Variants in SLC30A6 observed in about 807,000 individuals in gnomAD.
The protein encoded by SLC30A6 is zinc transporter 6.
In SLC30A6, 55 loss-of-function variants were observed where a neutral mutation model predicts 63.0. The observed-to-expected ratio is 0.87, with a 90% CI of 0.70 to 1.09. The LOEUF (loss-of-function observed/expected upper bound fraction) is 1.09. SLC30A6 is among the 50% of genes least tolerant of loss of function. SLC30A6 has a pLI of 0.00. For missense variants in SLC30A6, 587 were observed against 549.2 expected (o/e 1.07, Z -0.69); for synonymous variants, 224 against 186.1 (o/e 1.20, Z -1.66).
chr2:32,211,234 C>T (rs1474233596), intron 13 of SLC30A6, among the ~76,000 whole-genome samples: 1 of 152,094 alleles, frequency 6.6e-6, no homozygotes, highest in African/African-American at 2.4e-5. Context: ...CATCGAATAA[C>T]CTAGTGGGGG....
intron 12 of SLC30A6, among the ~76,000 whole-genome samples, chr2:32,207,320 C>T (rs1017529418): frequency 6.6e-6 from 1 of 151,884 alleles, no homozygotes; most frequent in Admixed American, 6.6e-5. Flanking sequence ...AAGCAATTCT[C>T]CTTCCTCGGC....
In SLC30A6 at chr2:32,167,056, T is replaced by G. The variant is rs540720109; in HGVS notation, c.3+1153T>G. Among the ~76,000 whole-genome samples, 50 of 152,224 alleles carry G rather than the reference T, an allele frequency of 3.3e-4. 1 individual carries two copies. The South Asian group carries it at 0.01, about 31-fold the overall frequency. ...ATACAAAGCCACTCATTATCAAGCT[T>G]CTTACTTTTACAGCCTCTTTTTTTG... On this transcript the variant is annotated intron_variant, in intron 1 of 13. Transcript: ENST00000282587.
intron 10 of SLC30A6, among the ~76,000 whole-genome samples, chr2:32,200,077 TACAC>T (rs35617136): frequency 4.0e-5 from 6 of 149,202 alleles, no homozygotes; most frequent in Non-Finnish European, 5.9e-5. Flanking sequence ...GAGACATATA[TACAC>T]ACACACACAC....
intron 12 of SLC30A6, 34 bp downstream of exon 12, chr2:32,206,967 T>G: frequency 1.3e-6 from 2 of 1,519,494 alleles, no homozygotes; most frequent in Non-Finnish European, 1.8e-6. Context: ...TCATTTTATT[T>G]TATATCAGGG....
intron 10 of SLC30A6, chr2:32,203,758 A>G: frequency 1.3e-6 from 2 of 1,510,378 alleles, no homozygotes; most frequent in Non-Finnish European, 9.2e-7. Context: ...TTCCGACTGG[A>G]TATTCTCAGT....
intron 12 of SLC30A6, among the ~76,000 whole-genome samples, chr2:32,207,306 G>T (rs1265356552): frequency 3.3e-5 from 5 of 151,968 alleles, no homozygotes; most frequent in Admixed American, 2.6e-4. Context: ...CACCTCCCAG[G>T]CTCAAGCAAT....
chr2:32,172,484 G>A (rs1681325096), intron 2 of SLC30A6, among the ~76,000 whole-genome samples: 1 of 151,878 alleles, frequency 6.6e-6, no homozygotes, highest in African/African-American at 2.4e-5. Context: ...GAGTAGCTGG[G>A]ATTACAGGGG....
intron 10 of SLC30A6, among the ~76,000 whole-genome samples, chr2:32,200,151 C>T (rs1000766279): frequency 2.4e-4 from 37 of 151,676 alleles, no homozygotes; most frequent in Admixed American, 5.3e-4. Context: ...GTTTATTTGT[C>T]CCCTCTTTCC....
intron 13 of SLC30A6, among the ~76,000 whole-genome samples, chr2:32,216,390 G>A (rs1183467875): frequency 6.6e-6 from 1 of 152,100 alleles, no homozygotes; most frequent in Non-Finnish European, 1.5e-5. Context: ...ACTAAAATTA[G>A]CTGGGCATGG....
intron 5 of SLC30A6, among the ~76,000 whole-genome samples, chr2:32,189,926 A>G (rs1191002446): frequency 5.9e-5 from 9 of 152,064 alleles, no homozygotes. Context: ...CATAAAGGCC[A>G]TTCTATGGTA....
chr2:32,210,270 G>T (rs983793161), intron 13 of SLC30A6, among the ~76,000 whole-genome samples: 3 of 152,028 alleles, frequency 2.0e-5, no homozygotes, highest in African/African-American at 7.2e-5. Flanking sequence ...CCAGCACTTT[G>T]GGAAGCCGAG....
At chr2:32,213,656 C>T (rs896966728) in intron 13 of SLC30A6, among the ~76,000 whole-genome samples, 1 of 152,050 alleles carries the variant, frequency 6.6e-6, no homozygotes, top group African/African-American at 2.4e-5. Context: ...ACCACTGCTG[C>T]CATCTTGCAA....
At chr2:32,183,547 G>A (rs945701299) in intron 4 of SLC30A6, among the ~76,000 whole-genome samples, 22 of 151,728 alleles carry the variant, frequency 1.4e-4, no homozygotes, top group African/African-American at 5.1e-4. Context: ...AATTAGCCGG[G>A]CATGGTGGTG....
rs539398934 is a variant in SLC30A6, at chr2:32,221,942, A to G, written c.*1229A>G. The G allele has an allele frequency of 2.6e-5, 4 of 152,314 alleles. No individual in the cohort carries two copies. The highest frequency in any genetic ancestry group is 3.9e-4 in the East Asian group (2 of 5,192). 9.4% of individuals were successfully genotyped at this position (152,314 alleles called of 1,614,324 possible). A position where few individuals can be genotyped will look rare whatever the true frequency, so the allele number is the denominator to read the frequency against. On this transcript the variant is annotated 3_prime_UTR_variant, in exon 14 of 14. Coordinates refer to ENST00000282587, the MANE Select transcript of SLC30A6 (RefSeq NM_017964.5). ...TATATCAGATATATTACCAAAACAC[A>G]TGGAGTTCCATACATAATATGGAAT...
intron 9 of SLC30A6, 133 bp from the exon 10 acceptor site, chr2:32,197,574 G>A: frequency 7.2e-7 from 1 of 1,385,550 alleles, no homozygotes; most frequent in Non-Finnish European, 9.9e-7. Flanking sequence ...AAAGGGCTTT[G>A]TTCACAAATC....
intron 10 of SLC30A6, among the ~76,000 whole-genome samples, chr2:32,204,265 A>G (rs1403393240): frequency 6.6e-6 from 1 of 152,232 alleles, no homozygotes; most frequent in Non-Finnish European, 1.5e-5. Flanking sequence ...TCAAGCAAAT[A>G]AACATATTTC....
intron 10 of SLC30A6, chr2:32,203,913 G>A (rs1170634965): frequency 2.3e-6 from 2 of 861,650 alleles, no homozygotes; most frequent in Non-Finnish European, 4.0e-6. Context: ...GTCCACAAGG[G>A]AGTCGCTCAG....
chr2:32,213,065 C>T (rs1426616208), intron 13 of SLC30A6, among the ~76,000 whole-genome samples: 1 of 151,844 alleles, frequency 6.6e-6, no homozygotes, highest in South Asian at 2.1e-4. Flanking sequence ...GCCACCATGC[C>T]CAGCTGATCT....
intron 1 of SLC30A6, among the ~76,000 whole-genome samples, chr2:32,166,580 T>C (rs1235025760): frequency 3.3e-5 from 5 of 152,258 alleles, no homozygotes; most frequent in Non-Finnish European, 7.3e-5. Flanking sequence ...AGCTCAAATA[T>C]ATAGCTCTGA....
Sources: gnomAD v4.1 joint callset for allele counts (sites outside exome capture counted in the v4.1 genomes callset) on GRCh38, gnomAD v4.1.1 for gene constraint, MANE v1.5 for transcripts, NCBI Gene and HGNC (gene_info 2026-07-23, HGNC 2026-07-21) for gene names.